Variants in ATAD2B observed in about 807,000 individuals in gnomAD.
ATAD2B encodes the protein ATPase family AAA domain containing 2B, also known as ATPase family AAA domain-containing protein 2B.
In ATAD2B, 40 loss-of-function variants were observed where a neutral mutation model predicts 167.6. The observed-to-expected ratio is 0.24, with a 90% CI of 0.19 to 0.31. ATAD2B has a LOEUF of 0.31. ATAD2B is among the 10% of genes least tolerant of loss of function. The pLI, the probability that ATAD2B is intolerant of heterozygous loss-of-function variation, is 1.00. For missense variants in ATAD2B, 1,242 were observed against 1,757.2 expected (o/e 0.71, Z 5.24); for synonymous variants, 579 against 596.5 (o/e 0.97, Z 0.43).
chr2:23,727,926 G>A, the ATAD2B span, among the ~76,000 whole-genome samples: 1 of 152,104 alleles, frequency 6.6e-6, no homozygotes, highest in Non-Finnish European at 1.5e-5. Context: ...TGAATAAGTG[G>A]AACACAAGGG....
downstream of ATAD2B, among the ~76,000 whole-genome samples, chr2:23,747,510 G>A (rs1357176793): frequency 6.6e-6 from 1 of 152,038 alleles, no homozygotes; most frequent in African/African-American, 2.4e-5. Flanking sequence ...TAGAGATGAA[G>A]AGCAAATATA....
Position 23,810,319 on chromosome 2 carries a change from T to A in ATAD2B, c.2451A>T (p.Ala817=). The change falls in exon 18 of 28, where the codon GCA becomes GCT. Residue 817 remains alanine (A), a synonymous_variant. Coordinates refer to ENST00000238789, the MANE Select transcript of ATAD2B (RefSeq NM_017552.4). ...CTCTGATGTGGTACAAACCTACCTG[T>A]GCACATGATTCCTCAGGTGTTTTGG... ...VSAKTPEESC[A]QIFREARRTV... is the part of the protein sequence containing the mutation. The A allele has an allele frequency of 6.2e-7, 1 of 1,612,878 alleles. No homozygotes were observed. The highest frequency in any genetic ancestry group is 2.2e-5 in the East Asian group (1 of 44,866).
At position 23,868,663 on chromosome 2, in the gene ATAD2B, CA is replaced by C. The variant is rs199745202; in HGVS notation, c.1077-718del. 7.4e-5 allele frequency among the ~76,000 whole-genome samples: 11 copies of C among 149,628 alleles called. No individual in the cohort carries two copies. The South Asian group carries it at 1.1e-3, about 14-fold the overall frequency. On this transcript the variant is annotated intron_variant, in intron 9 of 27. Transcript: ENST00000238789. ...GAAAAAATTGTCTTTCCATTTTTTT[CA>C]AAAAAAAACCAGAGATCACATCTTG...
At chr2:23,763,530 T>C (rs1677010495) in intron 23 of ATAD2B, among the ~76,000 whole-genome samples, 1 of 152,336 alleles carries the variant, frequency 6.6e-6, no homozygotes, top group Non-Finnish European at 1.5e-5. Context: ...ACATTTTATA[T>C]AAAAGAAATC....
chr2:23,784,536 T>C (rs1246686788), intron 21 of ATAD2B, among the ~76,000 whole-genome samples: 1 of 152,140 alleles, frequency 6.6e-6, no homozygotes. Flanking sequence ...CAGATGGCAT[T>C]TGAAAATCTG....
chr2:23,714,825 A>G, the ATAD2B span, among the ~76,000 whole-genome samples: 1 of 151,998 alleles, frequency 6.6e-6, no homozygotes, highest in African/African-American at 2.4e-5. Flanking sequence ...ACTGCACTCC[A>G]GCCTGAGTGA....
intron 27 of ATAD2B, among the ~76,000 whole-genome samples, chr2:23,753,486 G>T (rs1052314873): frequency 9.2e-5 from 14 of 152,016 alleles, no homozygotes; most frequent in Non-Finnish European, 1.9e-4. Flanking sequence ...CCATTTTGTG[G>T]GTAGATGAGT....
chr2:23,905,924 T>C (rs1179022514), intron 1 of ATAD2B, among the ~76,000 whole-genome samples: 4 of 152,224 alleles, frequency 2.6e-5, no homozygotes, highest in African/African-American at 9.6e-5. Context: ...AAAATAGTGC[T>C]GATAGTATTG....
intron 18 of ATAD2B, among the ~76,000 whole-genome samples, chr2:23,799,432 G>C (rs1683109364): frequency 6.6e-6 from 1 of 151,508 alleles, no homozygotes; most frequent in East Asian, 1.9e-4. Flanking sequence ...AATTAGCCAG[G>C]TGTGGTGGCA....
At chr2:23,911,712 T>A (rs559585563) in intron 1 of ATAD2B, among the ~76,000 whole-genome samples, 1 of 152,030 alleles carries the variant, frequency 6.6e-6, no homozygotes, top group African/African-American at 2.4e-5. Flanking sequence ...CAGTGACTCA[T>A]GCTTATAATC....
At chr2:23,722,819 A>G in the ATAD2B span, among the ~76,000 whole-genome samples, 39 of 152,340 alleles carry the variant, frequency 2.6e-4, no homozygotes, top group Non-Finnish European at 4.4e-4. Flanking sequence ...AAGTTTTTAA[A>G]AGCAGCAAGA....
Position 23,815,039 on chromosome 2 carries a change from A to G in ATAD2B, c.2268-4537T>C, listed in dbSNP as rs182558660. On this transcript the variant is annotated intron_variant, in intron 17 of 27. Transcript: ENST00000238789. ...CCATTGCACTCCAGCCTGGGCAAAA[A>G]GAATGAAATCCGTCTCCAAAAAAAA... 1.1e-4 allele frequency among the ~76,000 whole-genome samples: 17 copies of G among 151,628 alleles called. No homozygotes were observed. The East Asian group carries it at 3.3e-3, about 29-fold the overall frequency.
chr2:23,756,142 T>C (rs529231880), intron 25 of ATAD2B, among the ~76,000 whole-genome samples: 1 of 152,290 alleles, frequency 6.6e-6, no homozygotes, highest in East Asian at 1.9e-4. Context: ...CCTTCTCCAC[T>C]TTTCCCATGC....
At chr2:23,919,630 G>A (rs113530757) in intron 1 of ATAD2B, among the ~76,000 whole-genome samples, 18,288 of 151,726 alleles carry the variant, frequency 0.12, 1,191 homozygotes, top group Middle Eastern at 0.22. Flanking sequence ...ATCACCTAAG[G>A]TCAGGAGTTC....
chr2:23,678,893 G>T, the ATAD2B span, among the ~76,000 whole-genome samples: 4 of 152,164 alleles, frequency 2.6e-5, no homozygotes, highest in Non-Finnish European at 4.4e-5. Flanking sequence ...AATGGTGGTT[G>T]CCGGGGATGA....
the ATAD2B span, among the ~76,000 whole-genome samples, chr2:23,738,551 A>G: frequency 6.6e-6 from 1 of 152,370 alleles, no homozygotes; most frequent in East Asian, 1.9e-4. Flanking sequence ...TGAAGGAAGC[A>G]CTAAACATGG....
chr2:23,918,366 G>A (rs911943488), intron 1 of ATAD2B, among the ~76,000 whole-genome samples: 1 of 151,806 alleles, frequency 6.6e-6, no homozygotes, highest in Non-Finnish European at 1.5e-5. Context: ...GCAAGATCCT[G>A]TCTCAAAAAA....
intron 8 of ATAD2B, among the ~76,000 whole-genome samples, chr2:23,873,541 T>C (rs1042101775): frequency 1.3e-5 from 2 of 152,338 alleles, no homozygotes; most frequent in East Asian, 3.9e-4. Context: ...AAGAGTTACC[T>C]CCTGTATACT....
intron 8 of ATAD2B, 74 bp from the exon 9 acceptor site, chr2:23,869,835 C>T (rs1422933958): frequency 2.2e-6 from 2 of 891,614 alleles, no homozygotes; most frequent in African/African-American, 1.7e-5. Context: ...GTAATATCTA[C>T]AATTAGCTCA....
Sources: gnomAD v4.1 joint callset for allele counts (sites outside exome capture counted in the v4.1 genomes callset) on GRCh38, gnomAD v4.1.1 for gene constraint, MANE v1.5 for transcripts, NCBI Gene and HGNC (gene_info 2026-07-23, HGNC 2026-07-21) for gene names.